The following ERN1 variants were observed in gnomAD, a reference collection of about 807,000 sequenced individuals.
ERN1 encodes the protein serine/threonine-protein kinase/endoribonuclease IRE1.
A neutral mutation model predicts 113.1 loss-of-function variants in ERN1; 39 were observed. The observed-to-expected ratio is 0.34, with a 90% CI of 0.27 to 0.45. The LOEUF (loss-of-function observed/expected upper bound fraction) is 0.45, where lower values mean the gene tolerates loss of function less well. Ranked by LOEUF, ERN1 falls within the 20% of genes least tolerant of loss-of-function variation. The pLI is 1.00. For synonymous variants in ERN1, 507 were observed against 515.9 expected (o/e 0.98, Z 0.23); for missense variants, 976 against 1,274.8 (o/e 0.77, Z 3.57).
chr17:64,124,480 T>A (rs1483375111), intron 1 of ERN1, among the ~76,000 whole-genome samples: 1 of 152,140 alleles, frequency 6.6e-6, no homozygotes, highest in Non-Finnish European at 1.5e-5. Flanking sequence ...TGGGGATGGG[T>A]CTTTCCCGTG....
At chr17:64,109,526 G>T (rs2143478753) in intron 1 of ERN1, among the ~76,000 whole-genome samples, 1 of 152,254 alleles carries the variant, frequency 6.6e-6, no homozygotes, top group South Asian at 2.1e-4. Context: ...TTCTCTACCG[G>T]CCCAGGCCAC....
Position 64,130,036 on chromosome 17 carries a change from G to C in ERN1, c.-7C>G. 7.1e-7 allele frequency: 1 copy of C among 1,414,664 alleles called. No individual in the cohort carries two copies. The highest frequency in any genetic ancestry group is 9.2e-7 in the Non-Finnish European group (1 of 1,091,524). The allele number at this position is 1,414,664 out of a possible 1,614,324, so 87.6% of individuals were successfully genotyped here. A position where few individuals can be genotyped will look rare whatever the true frequency, so the allele number is the denominator to read the frequency against. ...GCAGCCGCCGGGCCGGCATGGCGAG[G>C]ACTCGGCCCTGGCTCCGGGGGCGGT... On this transcript the variant is annotated 5_prime_UTR_variant, in exon 1 of 22. Transcript: ENST00000433197. This position sits in a 1 kb window ranked among gnomAD's most constrained non-coding sequence, Gnocchi z 4.0.
In ERN1 at chr17:64,049,852, T is replaced by A. The variant is rs574132105; in HGVS notation, c.2254-650A>T. 6.6e-6 allele frequency among the ~76,000 whole-genome samples: 1 copy of A among 152,318 alleles called. No individual in the cohort carries two copies. Among genetic ancestry groups the A allele is most frequent in the South Asian group, 2.1e-4 (1 of 4,822 alleles). On this transcript the variant is annotated intron_variant, in intron 17 of 21. Transcript: ENST00000433197. This position sits in a 1 kb window ranked among gnomAD's most constrained non-coding sequence, Gnocchi z 4.7. ...ATGTACGTTTGTGTTTTTTAGCTCATGCTACCTGGGGTGTAATACCAAGGT... is the reference window on the plus strand; with the variant it reads ...ATGTACGTTTGTGTTTTTTAGCTCAAGCTACCTGGGGTGTAATACCAAGGT...
chr17:64,078,851 A>G (rs1448173103), intron 4 of ERN1, among the ~76,000 whole-genome samples: 5 of 152,056 alleles, frequency 3.3e-5, no homozygotes, highest in Non-Finnish European at 7.4e-5. Flanking sequence ...CCAAAAATAC[A>G]AAAAATTAGC....
At chr17:64,102,900 T>TAA in intron 1 of ERN1, 6 of 762,358 alleles carry the variant, frequency 7.9e-6, no homozygotes, top group Non-Finnish European at 9.5e-6. Context: ...GTTGGGAGGT[T>TAA]AAAAAAAAAA....
At chr17:64,124,559 A>C (rs1271833727) in intron 1 of ERN1, among the ~76,000 whole-genome samples, 2 of 152,140 alleles carry the variant, frequency 1.3e-5, no homozygotes, top group Non-Finnish European at 2.9e-5. Flanking sequence ...TCCCTGCACA[A>C]GCTCTCTCTT....
At chr17:64,083,129 G>T (rs554330527) in intron 2 of ERN1, among the ~76,000 whole-genome samples, 6 of 152,066 alleles carry the variant, frequency 3.9e-5, no homozygotes, top group Non-Finnish European at 7.4e-5. Context: ...ATAATTATAC[G>T]GGGGGCGGGG....
At chr17:64,056,698 C>T (rs1567863895) in intron 12 of ERN1, among the ~76,000 whole-genome samples, 2 of 152,232 alleles carry the variant, frequency 1.3e-5, no homozygotes, top group African/African-American at 4.8e-5. Flanking sequence ...AGGGAGTCGT[C>T]TCTTCTTCTC....
At position 64,063,973 on chromosome 17, in the gene ERN1, G is replaced by T. The variant is rs1187846862; in HGVS notation, c.1087+13C>A. ...GCTGTCACCTCAGGCTACTGTGGGAGACCTGCTCTTACCTATCAGAAGCCA... is the reference window on the plus strand; with the variant it reads ...GCTGTCACCTCAGGCTACTGTGGGATACCTGCTCTTACCTATCAGAAGCCA... On this transcript the variant is annotated intron_variant, in intron 10 of 21. Transcript: ENST00000433197. The surrounding 1 kb of genome is among the most constrained non-coding windows in gnomAD (Gnocchi z 5.1). The T allele has an allele frequency of 6.2e-6, 10 of 1,612,954 alleles. No homozygotes were observed. The highest frequency in any genetic ancestry group is 6.8e-6 in the Non-Finnish European group (8 of 1,179,390).
chr17:64,080,729 A>G (rs1913740600), intron 3 of ERN1, 46 bp downstream of exon 3: 10 of 1,580,570 alleles, frequency 6.3e-6, no homozygotes, highest in Non-Finnish European at 8.6e-6. Flanking sequence ...GATTGAATGA[A>G]GAAGACTGAA....
chr17:64,112,358 ACT>A (rs201290142), intron 1 of ERN1, among the ~76,000 whole-genome samples: 6,517 of 146,452 alleles, frequency 0.044, 187 homozygotes, highest in Middle Eastern at 0.073. Flanking sequence ...ACAGACCGAG[ACT>A]CTGTCTCAAA....
chr17:64,055,860 AGCTGCTGCTGCT>A lies in ERN1; in HGVS notation c.1475_1486del (p.Gln492_Gln495del). On this transcript the variant is annotated inframe_deletion, in exon 13 of 22. Coordinates refer to ENST00000433197, the MANE Select transcript of ERN1 (RefSeq NM_001433.5). ...CGTGTCTCCAGGTGGGTGGAAGGGC[AGCTGCTGCTGCT>A]GCTGCTGCAGGAGCTGGATCTTCTC... 5.8e-6 allele frequency: 9 copies of A among 1,550,874 alleles called. No individual in the cohort carries two copies. The highest frequency in any genetic ancestry group is 7.8e-6 in the Non-Finnish European group (9 of 1,146,614).
rs368512213 is a variant in ERN1, at chr17:64,113,896, C to T, written c.55-15655G>A. On this transcript the variant is annotated intron_variant, in intron 1 of 21. Coordinates refer to ENST00000433197, the MANE Select transcript of ERN1 (RefSeq NM_001433.5). ...TGGGGGTTTCACCATCTTGGCCAGG[C>T]TGGTCTTGAACTCCTGACCTTGTGA... Among the ~76,000 whole-genome samples the T allele has an allele frequency of 7.2e-5, 11 of 152,088 alleles. No homozygotes were observed. The East Asian group carries it at 2.1e-3, about 29-fold the overall frequency.
chr17:64,050,319 G>T (rs1001652913), intron 17 of ERN1, among the ~76,000 whole-genome samples: 5 of 152,138 alleles, frequency 3.3e-5, no homozygotes, highest in African/African-American at 1.2e-4. Context: ...TCTGCAGCCT[G>T]CTGTCCCCAG....
intron 16 of ERN1, 126 bp from the exon 17 acceptor site, chr17:64,053,105 A>C: frequency 1.1e-6 from 1 of 935,274 alleles, no homozygotes; most frequent in Non-Finnish European, 1.6e-6. Flanking sequence ...CTGATTTTCA[A>C]CTATGTCGGA....
At chr17:64,048,307 G>A (rs894872526) in intron 18 of ERN1, among the ~76,000 whole-genome samples, 4 of 152,148 alleles carry the variant, frequency 2.6e-5, no homozygotes, top group South Asian at 4.1e-4. Flanking sequence ...TCAAGGTGAC[G>A]CTGAAAAACG....
intron 6 of ERN1, among the ~76,000 whole-genome samples, chr17:64,070,461 G>T (rs1913374115): frequency 6.6e-6 from 1 of 152,204 alleles, no homozygotes; most frequent in African/African-American, 2.4e-5. Flanking sequence ...TCTGGATGAA[G>T]CTGGGGCCAC....
At chr17:64,053,962 C>G (rs564203254) in intron 15 of ERN1, 2 of 307,428 alleles carry the variant, frequency 6.5e-6, no homozygotes, top group Non-Finnish European at 1.2e-5. Context: ...TTTAATTTGA[C>G]GGGGTCTCAC....
chr17:64,046,400 G>C (rs1316704258), intron 19 of ERN1, among the ~76,000 whole-genome samples: 1 of 152,320 alleles, frequency 6.6e-6, no homozygotes, highest in African/African-American at 2.4e-5. Context: ...TTTAAATCCT[G>C]TCCCTTGGTG....
Sources: gnomAD v4.1 joint callset for allele counts (sites outside exome capture counted in the v4.1 genomes callset) on GRCh38, gnomAD v4.1.1 for gene constraint, Gnocchi (gnomAD v3.1) non-coding constraint, MANE v1.5 for transcripts, NCBI Gene and HGNC (gene_info 2026-07-23, HGNC 2026-07-21) for gene names.